Variants in SLCO3A1 observed in about 807,000 individuals in gnomAD.
The protein encoded by SLCO3A1 is PGE1 transporter.
SLCO3A1 carries 27 observed loss-of-function variants against 63.1 expected under a neutral mutation model. That is an observed-to-expected ratio of 0.43 (90% CI 0.32 to 0.59). The LOEUF is 0.59. Among genes scored for constraint, SLCO3A1 ranks in the 20% least tolerant of loss-of-function variants. SLCO3A1 has a pLI of 0.09. For missense variants in SLCO3A1, 773 were observed against 945.8 expected (o/e 0.82, Z 2.40); for synonymous variants, 473 against 409.9 (o/e 1.15, Z -1.86).
chr15:91,893,793 C>G (rs758182070), intron 1 of SLCO3A1, among the ~76,000 whole-genome samples: 1 of 152,148 alleles, frequency 6.6e-6, no homozygotes, highest in Admixed American at 6.5e-5. Context: ...TCCATCTATT[C>G]GACAAATGTT....
Position 91,856,098 on chromosome 15 carries a change from A to G in SLCO3A1, c.180+2010A>G, listed in dbSNP as rs1376489803. ...GACTTCTGGAGGCAGGGCTGGCCCCAGGAGATAGGAGGTTGACTTTAATCC... is the reference window on the plus strand; with the variant it reads ...GACTTCTGGAGGCAGGGCTGGCCCCGGGAGATAGGAGGTTGACTTTAATCC... On this transcript the variant is annotated intron_variant, in intron 1 of 9. Transcript: ENST00000318445. This position sits in a 1 kb window ranked among gnomAD's most constrained non-coding sequence, Gnocchi z 4.9. Among the ~76,000 whole-genome samples, 1 of 151,922 alleles carries G rather than the reference A, an allele frequency of 6.6e-6. No individual in the cohort carries two copies. The highest frequency in any genetic ancestry group is 1.5e-5 in the Non-Finnish European group (1 of 67,994).
At position 92,112,551 on chromosome 15, in the gene SLCO3A1, T is replaced by C. The variant is rs560285026; in HGVS notation, c.1010-7914T>C. Reference sequence around the variant, plus strand: ...CTGGATGTTTTCGAAGCCCCCTAGATGATTCTGTGTGAACTCCCAATTGCC... The same window carrying C: ...CTGGATGTTTTCGAAGCCCCCTAGACGATTCTGTGTGAACTCCCAATTGCC... On this transcript the variant is annotated intron_variant, in intron 4 of 9. Coordinates refer to ENST00000318445, the MANE Select transcript of SLCO3A1 (RefSeq NM_013272.4). Among the ~76,000 whole-genome samples, 10 of 152,322 alleles carry C rather than the reference T, an allele frequency of 6.6e-5. No homozygotes were observed. In the East Asian group the frequency reaches 1.9e-3, roughly 29 times the overall value.
chr15:92,109,053 T>C (rs1394481012), intron 4 of SLCO3A1, among the ~76,000 whole-genome samples: 1 of 152,162 alleles, frequency 6.6e-6, no homozygotes, highest in Non-Finnish European at 1.5e-5. Flanking sequence ...TGATACTGGT[T>C]GAATGAAGTA....
In SLCO3A1 at chr15:92,165,084, T is replaced by C. The variant is rs887640382; in HGVS notation, c.*1949T>C. 1.0e-6 allele frequency: 1 copy of C among 985,360 alleles called. No homozygotes were observed. Among genetic ancestry groups the C allele is most frequent in the Non-Finnish European group, 1.2e-6 (1 of 829,864 alleles). 61.0% of individuals were successfully genotyped at this position (985,360 alleles called of 1,614,324 possible). A position where few individuals can be genotyped will look rare whatever the true frequency, so the allele number is the denominator to read the frequency against. ...GACAGGTATGGTACCGAATTTTTAA[T>C]GAACATTGTAAATGAAGAGGCTTGA... On this transcript the variant is annotated 3_prime_UTR_variant, in exon 10 of 10. Transcript: ENST00000318445.
chr15:91,987,228 A>G (rs533466371), intron 2 of SLCO3A1, among the ~76,000 whole-genome samples: 3 of 152,316 alleles, frequency 2.0e-5, no homozygotes, highest in East Asian at 1.9e-4. Context: ...TAGGTGCCAC[A>G]TGAAGGGGGA....
chr15:92,079,687 TAGGGGGAGAGCAGGGC>T (rs2047319647), intron 2 of SLCO3A1, among the ~76,000 whole-genome samples: 1 of 152,174 alleles, frequency 6.6e-6, no homozygotes, highest in East Asian at 1.9e-4. Flanking sequence ...CAGCCCGTAA[TAGGGGGAGAGCAGGGC>T]AGGTGACTGC....
chr15:92,133,149 C>T (rs1002846889), intron 7 of SLCO3A1, among the ~76,000 whole-genome samples: 4 of 145,936 alleles, frequency 2.7e-5, no homozygotes, highest in African/African-American at 9.9e-5. Context: ...CCCCTGCCCT[C>T]CCCAGCCACA....
intron 7 of SLCO3A1, among the ~76,000 whole-genome samples, chr15:92,141,231 A>T (rs1007217577): frequency 6.6e-6 from 1 of 152,246 alleles, no homozygotes; most frequent in Non-Finnish European, 1.5e-5. Flanking sequence ...AGAATGGCAA[A>T]CCAGGAAGAC....
At chr15:92,060,097 A>G (rs897473233) in intron 2 of SLCO3A1, among the ~76,000 whole-genome samples, 2 of 152,210 alleles carry the variant, frequency 1.3e-5, no homozygotes, top group Non-Finnish European at 2.9e-5. Context: ...AAACAGTGGT[A>G]CACCTATAGA....
At chr15:91,895,871 C>G (rs1897989977) in intron 1 of SLCO3A1, among the ~76,000 whole-genome samples, 1 of 152,226 alleles carries the variant, frequency 6.6e-6, no homozygotes, top group African/African-American at 2.4e-5. Context: ...CAAATCTTCT[C>G]TTCAGAGCCC....
intron 2 of SLCO3A1, among the ~76,000 whole-genome samples, chr15:92,083,408 C>T (rs1363906460): frequency 2.0e-5 from 3 of 152,168 alleles, no homozygotes; most frequent in East Asian, 1.9e-4. Flanking sequence ...TCCCTTCCCA[C>T]GTTCAGGAAG....
At chr15:91,926,925 G>T (rs1567189704) in intron 2 of SLCO3A1, among the ~76,000 whole-genome samples, 1 of 152,134 alleles carries the variant, frequency 6.6e-6, no homozygotes, top group Non-Finnish European at 1.5e-5. Flanking sequence ...CCTAATGTTA[G>T]ACTTTGGTGA....
intron 2 of SLCO3A1, among the ~76,000 whole-genome samples, chr15:92,012,629 G>A (rs2046381185): frequency 6.6e-6 from 1 of 151,796 alleles, no homozygotes; most frequent in African/African-American, 2.4e-5. Context: ...CCCTGTGAGA[G>A]CACTGGCTCA....
chr15:91,935,244 G>A (rs905666800), intron 2 of SLCO3A1, among the ~76,000 whole-genome samples: 9 of 152,206 alleles, frequency 5.9e-5, no homozygotes, highest in African/African-American at 2.2e-4. Flanking sequence ...GAGCCACCAT[G>A]TCCAGCCCAG....
intron 9 of SLCO3A1, chr15:92,161,728 G>C (rs377196331): frequency 2.0e-5 from 3 of 151,164 alleles, no homozygotes; most frequent in African/African-American, 7.3e-5. Flanking sequence ...ACCACACACA[G>C]TATGCCGGCG....
Position 92,124,094 on chromosome 15 carries a change from G to T in SLCO3A1, c.1175-1967G>T, listed in dbSNP as rs781526121. On this transcript the variant is annotated intron_variant, in intron 5 of 9. Coordinates refer to ENST00000318445, the MANE Select transcript of SLCO3A1 (RefSeq NM_013272.4). Reference sequence around the variant, plus strand: ...TAGAGAAGGCAGACTTGGGAGATGAGGCCCAGGCAGTCATCCCAGAGCATC... The same window carrying T: ...TAGAGAAGGCAGACTTGGGAGATGATGCCCAGGCAGTCATCCCAGAGCATC... 1.6e-4 allele frequency among the ~76,000 whole-genome samples: 24 copies of T among 152,154 alleles called. 1 individual carries two copies. The highest frequency in any genetic ancestry group is 2.5e-4 in the Non-Finnish European group (17 of 68,032).
intron 2 of SLCO3A1, among the ~76,000 whole-genome samples, chr15:91,960,597 T>G (rs772986277): frequency 6.6e-6 from 1 of 152,208 alleles, no homozygotes; most frequent in Non-Finnish European, 1.5e-5. Flanking sequence ...GAGAGCTATT[T>G]TACTTATCTC....
At chr15:92,143,049 G>A (rs553395079) in intron 7 of SLCO3A1, among the ~76,000 whole-genome samples, 77 of 151,802 alleles carry the variant, frequency 5.1e-4, no homozygotes, top group East Asian at 7.9e-4. Flanking sequence ...GAGAGACTGC[G>A]TGCTACAAGT....
At chr15:92,085,332 G>C (rs2047392257) in intron 2 of SLCO3A1, among the ~76,000 whole-genome samples, 1 of 151,986 alleles carries the variant, frequency 6.6e-6, no homozygotes, top group South Asian at 2.1e-4. Flanking sequence ...GCAAAGTTTA[G>C]TTGTTTTTGT....
Sources: gnomAD v4.1 joint callset for allele counts (sites outside exome capture counted in the v4.1 genomes callset) on GRCh38, gnomAD v4.1.1 for gene constraint, Gnocchi (gnomAD v3.1) non-coding constraint, MANE v1.5 for transcripts, NCBI Gene and HGNC (gene_info 2026-07-23, HGNC 2026-07-21) for gene names.